The following FAM149A variants were observed in gnomAD, a reference collection of about 807,000 sequenced individuals.
The protein encoded by FAM149A is protein FAM149A.
FAM149A carries 71 observed loss-of-function variants against 78.2 expected under a neutral mutation model. The ratio of observed to expected loss-of-function variants is 0.91; its 90% CI spans 0.75 to 1.11. The LOEUF is 1.11. FAM149A is among the 50% of genes least tolerant of loss of function. The pLI is 0.00. For synonymous variants in FAM149A, 446 were observed against 410.5 expected (o/e 1.09, Z -1.04); for missense variants, 1,036 against 971.0 (o/e 1.07, Z -0.89).
intron 1 of FAM149A, chr4:186,118,354 C>A: frequency 2.2e-6 from 1 of 459,946 alleles, no homozygotes; most frequent in Non-Finnish European, 2.9e-6. Context: ...TGTTCCCTGT[C>A]CATGAAGCGG....
chr4:186,119,257 C>A (rs894620939), intron 1 of FAM149A, among the ~76,000 whole-genome samples: 1 of 152,114 alleles, frequency 6.6e-6, no homozygotes, highest in Non-Finnish European at 1.5e-5. Flanking sequence ...TTTCTAGACA[C>A]CATGTACTAC....
chr4:186,148,254 G>C (rs1733212647), intron 1 of FAM149A, among the ~76,000 whole-genome samples: 2 of 152,216 alleles, frequency 1.3e-5, no homozygotes, highest in African/African-American at 4.8e-5. Context: ...TTGAACCTAG[G>C]AGGTGGAGGT....
At chr4:186,163,153 A>G (rs1394115663) in intron 9 of FAM149A, among the ~76,000 whole-genome samples, 1 of 152,144 alleles carries the variant, frequency 6.6e-6, no homozygotes, top group Non-Finnish European at 1.5e-5. Flanking sequence ...GTAGGGAGAG[A>G]TGGGGAAAGG....
At chr4:186,127,292 C>T (rs2099318731) in intron 1 of FAM149A, 2 of 976,072 alleles carry the variant, frequency 2.0e-6, no homozygotes, top group East Asian at 1.1e-4. Context: ...AGTTAGTCTA[C>T]CAGCACACTG....
In FAM149A at chr4:186,164,303, A is replaced by G. The variant is rs1734841666; in HGVS notation, c.1889+670A>G. ...GGACTCATACTATCCCAAATCTGAG[A>G]TGAGGGAACAGGCTAAGCCTGCCGG... On this transcript the variant is annotated intron_variant, in intron 10 of 13. Transcript: ENST00000389354. The surrounding 1 kb of genome is among the most constrained non-coding windows in gnomAD (Gnocchi z 4.0). 2 of 168,104 alleles carry G rather than the reference A, an allele frequency of 1.2e-5. No homozygotes were observed. The highest frequency in any genetic ancestry group is 1.2e-5 in the Non-Finnish European group (1 of 82,596). The allele number at this position is 168,104 out of a possible 1,614,324, so 10.4% of individuals were successfully genotyped here. A position where few individuals can be genotyped will look rare whatever the true frequency, so the allele number is the denominator to read the frequency against.
chr4:186,162,359 G>A (rs913937951), intron 8 of FAM149A, among the ~76,000 whole-genome samples: 2 of 152,180 alleles, frequency 1.3e-5, no homozygotes, highest in African/African-American at 4.8e-5. Context: ...GAGCCATGAT[G>A]CCCGGCCTGT....
Position 186,166,979 on chromosome 4 carries a change from G to T in FAM149A, c.2022G>T (p.Arg674Ser). The stretch of plus-strand genomic sequence containing the variant: ...TATCCTTCATTTAGTACAGAGGAAG[G>T]CATCTACAAAACCGTGTGTTGAGTG... The change falls in exon 12 of 14, where the codon AGG (arginine) becomes AGT (serine). Residue 674 changes from arginine to serine, a missense_variant. Physicochemically the swap from Arg to Ser is moderately radical, Grantham distance 110. Coordinates refer to ENST00000389354, the MANE Select transcript of FAM149A (RefSeq NM_001367768.3). 1 of 1,613,768 alleles carries T rather than the reference G, an allele frequency of 6.2e-7. No individual in the cohort carries two copies. The highest frequency in any genetic ancestry group is 8.5e-7 in the Non-Finnish European group (1 of 1,179,838).
chr4:186,124,246 T>G, intron 1 of FAM149A: 1 of 979,082 alleles, frequency 1.0e-6, no homozygotes, highest in Non-Finnish European at 1.2e-6. Context: ...ATTTTTGTTT[T>G]TTGGGTTAAT....
At chr4:186,155,193 C>T (rs1345059354) in intron 6 of FAM149A, among the ~76,000 whole-genome samples, 2 of 152,094 alleles carry the variant, frequency 1.3e-5, no homozygotes, top group African/African-American at 4.8e-5. Flanking sequence ...GTGTCGATCT[C>T]CTGACCTCGT....
chr4:186,155,048 C>T (rs994108227), intron 6 of FAM149A: 8 of 556,848 alleles, frequency 1.4e-5, no homozygotes, highest in East Asian at 2.9e-4. Context: ...CTGCAAACTC[C>T]GCCTCCCGGG....
At chr4:186,132,859 C>A in intron 1 of FAM149A, 1 of 537,846 alleles carries the variant, frequency 1.9e-6, no homozygotes, top group East Asian at 1.5e-4. Context: ...TTTTGGCATC[C>A]TGAACTGGGG....
chr4:186,158,766 T>C, intron 8 of FAM149A: 2 of 1,039,148 alleles, frequency 1.9e-6, no homozygotes, highest in African/African-American at 1.7e-5. Flanking sequence ...ACTGGAGCAC[T>C]CAGCCTGCCA....
At chr4:186,140,795 A>G (rs949870377) in intron 1 of FAM149A, among the ~76,000 whole-genome samples, 1 of 152,250 alleles carries the variant, frequency 6.6e-6, no homozygotes, top group African/African-American at 2.4e-5. Context: ...CGTATGGACT[A>G]AGTACAGGTA....
intron 1 of FAM149A, among the ~76,000 whole-genome samples, chr4:186,126,412 C>T (rs2099318354): frequency 6.6e-6 from 1 of 152,168 alleles, no homozygotes; most frequent in South Asian, 2.1e-4. Flanking sequence ...GAGTGTGTCT[C>T]CAGAAGAGAT....
At chr4:186,133,184 T>TA in intron 1 of FAM149A, 1 of 985,422 alleles carries the variant, frequency 1.0e-6, no homozygotes, top group Non-Finnish European at 1.2e-6. Context: ...GGTGATTTTT[T>TA]AAAAAATGTG....
chr4:186,159,167 T>TGAGGAGATA (rs1238980246), intron 8 of FAM149A, among the ~76,000 whole-genome samples: 1 of 151,902 alleles, frequency 6.6e-6, no homozygotes. Context: ...TGAGGCGTTT[T>TGAGGAGATA]GAGGAGATAC....
intron 1 of FAM149A, among the ~76,000 whole-genome samples, chr4:186,106,556 C>CA (rs2099308830): frequency 6.6e-6 from 1 of 151,954 alleles, no homozygotes; most frequent in African/African-American, 2.4e-5. Context: ...CTACTCCCTC[C>CA]AAAAAATCCT....
chr4:186,155,958 A>C, intron 6 of FAM149A, 42 bp from the exon 7 acceptor site: 1 of 1,526,634 alleles, frequency 6.6e-7, no homozygotes, highest in South Asian at 1.2e-5. Flanking sequence ...TTTAACTCTA[A>C]GCATTGATCT....
chr4:186,149,839 G>T (rs1247327776), intron 3 of FAM149A, 135 bp downstream of exon 3: 2 of 468,480 alleles, frequency 4.3e-6, no homozygotes, highest in East Asian at 9.6e-5. Flanking sequence ...ACATGTAAAA[G>T]CATGTACATG....
Sources: gnomAD v4.1 joint callset for allele counts (sites outside exome capture counted in the v4.1 genomes callset) on GRCh38, gnomAD v4.1.1 for gene constraint, Gnocchi (gnomAD v3.1) non-coding constraint, MANE v1.5 for transcripts, NCBI Gene and HGNC (gene_info 2026-07-23, HGNC 2026-07-21) for gene names.